The following CADM2 variants were observed in gnomAD, a reference collection of about 807,000 sequenced individuals.
The protein encoded by CADM2 is immunoglobulin superfamily member 4D.
A neutral mutation model predicts 49.8 loss-of-function variants in CADM2; 12 were observed. The ratio of observed to expected loss-of-function variants is 0.24; its 90% CI spans 0.15 to 0.39. CADM2 has a LOEUF of 0.39. CADM2 is among the 10% of genes least tolerant of loss of function. The pLI is 1.00. For missense variants in CADM2, 378 were observed against 492.3 expected, an observed-to-expected ratio of 0.77 and a Z score of 2.20; for synonymous variants, 214 against 175.4, an observed-to-expected ratio of 1.22 and a Z score of -1.74.
At chr3:85,918,945 C>G (rs1454886905) in intron 6 of CADM2, among the ~76,000 whole-genome samples, 1 of 151,818 alleles carries the variant, frequency 6.6e-6, no homozygotes, top group Non-Finnish European at 1.5e-5. Context: ...GCACAAAACA[C>G]AGAAAAGAAG....
rs1286177481 is a variant in CADM2, at chr3:86,071,948, A to G, written c.*5165A>G. The G allele has an allele frequency of 1.3e-5, 2 of 151,934 alleles. No homozygotes were observed. The highest frequency in any genetic ancestry group is 1.9e-4 in the East Asian group (1 of 5,196). The allele number at this position is 151,934 out of a possible 1,614,324, so 9.4% of individuals were successfully genotyped here. ...AATTCATGCTGTGTTTTAAGTAAAA[A>G]TCATGTATATGAATTATTTTACCAA... On this transcript the variant is annotated 3_prime_UTR_variant, in exon 10 of 10. Transcript: ENST00000383699.
chr3:85,698,346 T>A (rs2066635581), intron 1 of CADM2, among the ~76,000 whole-genome samples: 1 of 152,218 alleles, frequency 6.6e-6, no homozygotes, highest in Non-Finnish European at 1.5e-5. Context: ...AGAAGAATTT[T>A]TCCCATAAGC....
At chr3:85,941,819 C>A (rs1721948162) in intron 7 of CADM2, among the ~76,000 whole-genome samples, 1 of 152,012 alleles carries the variant, frequency 6.6e-6, no homozygotes, top group African/African-American at 2.4e-5. Context: ...GATGGCTTGG[C>A]TCAGGAGTGG....
chr3:85,628,512 C>CAT (rs369987519), intron 1 of CADM2, among the ~76,000 whole-genome samples: 41,402 of 144,702 alleles, frequency 0.29, 7,078 homozygotes, highest in East Asian at 0.61. Context: ...CTCCCATATA[C>CAT]ATATATATAT....
chr3:85,179,249 A>G lies in CADM2; in HGVS notation c.61+219581A>G, dbSNP rs536262225. Among the ~76,000 whole-genome samples the G allele has an allele frequency of 2.0e-5, 3 of 152,120 alleles. No individual in the cohort carries two copies. In the South Asian group the frequency reaches 6.2e-4, roughly 32 times the overall value. On this transcript the variant is annotated intron_variant, in intron 1 of 9. Coordinates refer to ENST00000383699, the MANE Select transcript of CADM2 (RefSeq NM_001167675.2). The stretch of plus-strand genomic sequence containing the variant: ...AAAACCTGCAGTGAATAAGATGATT[A>G]ATATCAGCATTCTCCCCTTTCTAGA...
At chr3:85,206,919 T>C (rs1363311535) in intron 1 of CADM2, among the ~76,000 whole-genome samples, 1 of 152,106 alleles carries the variant, frequency 6.6e-6, no homozygotes, top group Admixed American at 6.5e-5. Context: ...GTTTGGAATT[T>C]GTCATGGTCT....
intron 5 of CADM2, among the ~76,000 whole-genome samples, chr3:85,890,847 A>T (rs1221753307): frequency 1.3e-5 from 2 of 152,180 alleles, no homozygotes; most frequent in Admixed American, 1.3e-4. Flanking sequence ...CACTTTGAAG[A>T]AATGAATTTC....
At chr3:85,127,451 A>G (rs1233896788) in intron 1 of CADM2, among the ~76,000 whole-genome samples, 3 of 152,186 alleles carry the variant, frequency 2.0e-5, no homozygotes, top group African/African-American at 7.2e-5. Flanking sequence ...CCAAATTTCA[A>G]CCTCATTTGA....
At chr3:85,661,236 G>A (rs182910551) in intron 1 of CADM2, among the ~76,000 whole-genome samples, 5 of 152,200 alleles carry the variant, frequency 3.3e-5, no homozygotes, top group African/African-American at 7.2e-5. Flanking sequence ...CTGAGTGGCA[G>A]TGCTGTGCAG....
chr3:85,354,804 A>T (rs2031714517), intron 1 of CADM2, among the ~76,000 whole-genome samples: 1 of 152,096 alleles, frequency 6.6e-6, no homozygotes, highest in Non-Finnish European at 1.5e-5. Flanking sequence ...CTGGCAGAAG[A>T]CAAGAGTAAG....
At chr3:85,438,782 C>G (rs956476399) in intron 1 of CADM2, among the ~76,000 whole-genome samples, 2 of 152,082 alleles carry the variant, frequency 1.3e-5, no homozygotes, top group African/African-American at 4.8e-5. Context: ...ATGTGATCCT[C>G]CTGCTTCAGC....
At chr3:85,705,026 A>ATT (rs35077990) in intron 1 of CADM2, among the ~76,000 whole-genome samples, 6 of 131,880 alleles carry the variant, frequency 4.5e-5, no homozygotes, top group African/African-American at 1.7e-4. Flanking sequence ...GCCTGGCTAA[A>ATT]TTTTTTTTTT....
At chr3:85,905,539 A>G (rs567572765) in intron 5 of CADM2, among the ~76,000 whole-genome samples, 56 of 152,264 alleles carry the variant, frequency 3.7e-4, no homozygotes, top group African/African-American at 1.3e-3. Context: ...GATGTTTCAG[A>G]TACTGTCCTA....
At chr3:85,117,530 T>C (rs1189779464) in intron 1 of CADM2, among the ~76,000 whole-genome samples, 1 of 152,272 alleles carries the variant, frequency 6.6e-6, no homozygotes, top group African/African-American at 2.4e-5. Context: ...AATGACACTA[T>C]AAGCCTCAGG....
At chr3:85,786,998 G>T (rs1472632672) in intron 2 of CADM2, among the ~76,000 whole-genome samples, 1 of 151,884 alleles carries the variant, frequency 6.6e-6, no homozygotes, top group Non-Finnish European at 1.5e-5. Context: ...TTCACTCAAA[G>T]AAATATATAT....
chr3:85,463,324 C>T (rs1422107823), intron 1 of CADM2, among the ~76,000 whole-genome samples: 2 of 152,072 alleles, frequency 1.3e-5, no homozygotes, highest in African/African-American at 2.4e-5. Flanking sequence ...CTAAGGGGCT[C>T]TTCTCATATG....
chr3:85,461,235 C>G (rs2038230469), intron 1 of CADM2, among the ~76,000 whole-genome samples: 1 of 152,040 alleles, frequency 6.6e-6, no homozygotes, highest in Non-Finnish European at 1.5e-5. Flanking sequence ...CTTGCTCCCT[C>G]CCCCAGCCAT....
intron 1 of CADM2, among the ~76,000 whole-genome samples, chr3:85,017,096 A>G (rs530404793): frequency 1.3e-5 from 2 of 152,354 alleles, no homozygotes; most frequent in East Asian, 3.9e-4. Flanking sequence ...CTGATGCTAC[A>G]GCAAATTTTA....
chr3:85,100,321 C>T (rs1352191065), intron 1 of CADM2, among the ~76,000 whole-genome samples: 1 of 152,148 alleles, frequency 6.6e-6, no homozygotes, highest in Non-Finnish European at 1.5e-5. Context: ...CCAAGTAACA[C>T]AGGGCAGAAC....
Sources: allele counts gnomAD v4.1 joint callset (sites outside exome capture counted in the v4.1 genomes callset), GRCh38; gene constraint gnomAD v4.1.1; transcripts MANE v1.5; gene names NCBI Gene and HGNC (gene_info 2026-07-23, HGNC 2026-07-21).